Variants in CDH20 observed in about 807,000 individuals in gnomAD.
CDH20 encodes cadherin 20, also known as cadherin-20.
Under a neutral mutation model 74.2 loss-of-function variants are expected in CDH20, and 29 were observed. The ratio of observed to expected loss-of-function variants is 0.39; its 90% CI spans 0.29 to 0.53. CDH20 has a LOEUF of 0.53. CDH20 is among the 20% of genes least tolerant of loss of function. The pLI is 0.69. For synonymous variants in CDH20, 469 were observed against 405.4 expected (o/e 1.16, Z -1.88); for missense variants, 988 against 1,048.3 (o/e 0.94, Z 0.79).
chr18:61,405,176 C>T (rs115515479), intron 1 of CDH20: 17 of 500,570 alleles, frequency 3.4e-5, no homozygotes, highest in Admixed American at 8.0e-5. Context: ...TCAACTCCAG[C>T]GACTTTTTTG....
chr18:61,468,064 C>T (rs1245060216), intron 1 of CDH20, among the ~76,000 whole-genome samples: 1 of 152,142 alleles, frequency 6.6e-6, no homozygotes, highest in Admixed American at 6.5e-5. Flanking sequence ...GGTTAGAACC[C>T]AGGCAATGCA....
intron 1 of CDH20, among the ~76,000 whole-genome samples, chr18:61,451,681 G>C (rs1315959597): frequency 6.6e-6 from 1 of 151,970 alleles, no homozygotes; most frequent in Non-Finnish European, 1.5e-5. Context: ...ATTGGGAAAA[G>C]AGTTAGCAGA....
intron 1 of CDH20, among the ~76,000 whole-genome samples, chr18:61,389,775 T>C (rs1009433084): frequency 1.3e-5 from 2 of 152,166 alleles, no homozygotes; most frequent in African/African-American, 4.8e-5. Context: ...GCCCACTCTT[T>C]CTAAAATTTC....
chr18:61,367,261 G>C (rs1472439061), intron 1 of CDH20, among the ~76,000 whole-genome samples: 1 of 152,098 alleles, frequency 6.6e-6, no homozygotes, highest in Non-Finnish European at 1.5e-5. Flanking sequence ...ATGAGTAAGA[G>C]CCCAAATGCT....
At chr18:61,538,621 T>G (rs1370072886) in intron 8 of CDH20, among the ~76,000 whole-genome samples, 3 of 41,220 alleles carry the variant, frequency 7.3e-5, no homozygotes, top group African/African-American at 2.3e-4. Context: ...TTTGTTTTTG[T>G]TTTGTTTTTT....
intron 1 of CDH20, among the ~76,000 whole-genome samples, chr18:61,367,021 A>G (rs1910884751): frequency 6.6e-6 from 1 of 152,158 alleles, no homozygotes; most frequent in Non-Finnish European, 1.5e-5. Flanking sequence ...TGGGATTATA[A>G]AGTAATTTCA....
intron 6 of CDH20, among the ~76,000 whole-genome samples, chr18:61,510,386 T>C (rs1429146271): frequency 6.6e-6 from 1 of 152,208 alleles, no homozygotes; most frequent in Non-Finnish European, 1.5e-5. Context: ...CAAATGCTGC[T>C]ACAGGTCAAA....
intron 6 of CDH20, among the ~76,000 whole-genome samples, chr18:61,522,984 C>T (rs1343150169): frequency 6.6e-6 from 1 of 152,128 alleles, no homozygotes. Flanking sequence ...TTAGGCAATA[C>T]CATTCAGGAC....
Position 61,354,463 on chromosome 18 carries a change from G to A in CDH20, c.-153+20636G>A, listed in dbSNP as rs116279851. Among the ~76,000 whole-genome samples the A allele has an allele frequency of 2.1e-3, 313 of 152,190 alleles. 3 individuals carry two copies. Among genetic ancestry groups the A allele is most frequent in the African/African-American group, 7.0e-3 (289 of 41,512 alleles). ...TCTCTACAAGAAATACAAAAAATTA[G>A]CCGGGCGTGGTAATAGGCACCTGCA... On this transcript the variant is annotated intron_variant, in intron 1 of 11. Coordinates refer to ENST00000262717, the MANE Select transcript of CDH20 (RefSeq NM_031891.4).
intron 1 of CDH20, among the ~76,000 whole-genome samples, chr18:61,430,752 T>C (rs1011484946): frequency 6.6e-6 from 1 of 152,210 alleles, no homozygotes; most frequent in Non-Finnish European, 1.5e-5. Flanking sequence ...TGGGAGCTCT[T>C]CCAGATTGGC....
intron 1 of CDH20, among the ~76,000 whole-genome samples, chr18:61,352,862 C>T (rs938569413): frequency 1.3e-5 from 2 of 152,322 alleles, no homozygotes; most frequent in East Asian, 1.9e-4. Flanking sequence ...GTATCTGTTT[C>T]ATTCATAGAA....
chr18:61,431,836 T>G (rs1015748507), intron 1 of CDH20, among the ~76,000 whole-genome samples: 1 of 152,166 alleles, frequency 6.6e-6, no homozygotes, highest in East Asian at 1.9e-4. Context: ...TTCTTCTGAA[T>G]TATCTGGCCA....
At chr18:61,534,000 A>G (rs1912737362) in intron 7 of CDH20, among the ~76,000 whole-genome samples, 1 of 152,128 alleles carries the variant, frequency 6.6e-6, no homozygotes, top group African/African-American at 2.4e-5. Flanking sequence ...TTTTAATTCC[A>G]GCTGTTATAA....
chr18:61,389,430 C>G (rs1305866641), intron 1 of CDH20, among the ~76,000 whole-genome samples: 1 of 152,052 alleles, frequency 6.6e-6, no homozygotes, highest in Non-Finnish European at 1.5e-5. Flanking sequence ...CATGGAAGTA[C>G]TAAGAATCAG....
At chr18:61,479,967 T>A (rs927712507) in intron 1 of CDH20, among the ~76,000 whole-genome samples, 1 of 152,216 alleles carries the variant, frequency 6.6e-6, no homozygotes, top group Admixed American at 6.5e-5. Flanking sequence ...ATTTTCATCA[T>A]AGACTTCCAT....
chr18:61,435,151 A>AG, intron 1 of CDH20, among the ~76,000 whole-genome samples: 1 of 152,228 alleles, frequency 6.6e-6, no homozygotes, highest in South Asian at 2.1e-4. Flanking sequence ...AGAAAATTTC[A>AG]GGGGAAAAAG....
chr18:61,524,468 A>T lies in CDH20; in HGVS notation c.1018-3499A>T, dbSNP rs562344643. On this transcript the variant is annotated intron_variant, in intron 6 of 11. Transcript: ENST00000262717. ...CTAGGTATTTACCCCACTGAAATGAAATTTTATGCTCACACAAAAACCTCT... is the reference window on the plus strand; with the variant it reads ...CTAGGTATTTACCCCACTGAAATGATATTTTATGCTCACACAAAAACCTCT... 9.8e-4 allele frequency among the ~76,000 whole-genome samples: 149 copies of T among 152,306 alleles called. 1 individual carries two copies. The highest frequency in any genetic ancestry group is 3.4e-3 in the African/African-American group (141 of 41,572).
chr18:61,455,402 G>A (rs535460292), intron 1 of CDH20, among the ~76,000 whole-genome samples: 42 of 152,286 alleles, frequency 2.8e-4, no homozygotes, highest in East Asian at 9.6e-4. Flanking sequence ...AAAAGATTCC[G>A]GAGCCATTAA....
intron 1 of CDH20, among the ~76,000 whole-genome samples, chr18:61,356,795 G>T (rs956855385): frequency 2.0e-5 from 3 of 152,188 alleles, no homozygotes; most frequent in African/African-American, 7.2e-5. Context: ...GATTTACAAT[G>T]ATGAGGATAA....
Sources: gnomAD v4.1 joint callset for allele counts (sites outside exome capture counted in the v4.1 genomes callset) on GRCh38, gnomAD v4.1.1 for gene constraint, MANE v1.5 for transcripts, NCBI Gene and HGNC (gene_info 2026-07-23, HGNC 2026-07-21) for gene names.